The following MALRD1 variants were observed in gnomAD, a reference collection of about 807,000 sequenced individuals.
MALRD1 encodes MAM and LDL-receptor class A domain-containing protein 1.
Under a neutral mutation model 242.1 loss-of-function variants are expected in MALRD1, and 247 were observed. That is an observed-to-expected ratio of 1.02 (90% CI 0.92 to 1.13). The LOEUF (loss-of-function observed/expected upper bound fraction) is 1.13, where lower values mean the gene tolerates loss of function less well. Among genes scored for constraint, MALRD1 ranks in the 50% most tolerant of loss-of-function variants. MALRD1 has a pLI of 0.00. For synonymous variants in MALRD1, 995 were observed against 866.6 expected, an observed-to-expected ratio of 1.15 and a Z score of -2.60; for missense variants, 2,989 against 2,533.1, an observed-to-expected ratio of 1.18 and a Z score of -3.86.
At chr10:19,428,037 G>T (rs541229646) in intron 28 of MALRD1, among the ~76,000 whole-genome samples, 2 of 151,940 alleles carry the variant, frequency 1.3e-5, no homozygotes, top group Non-Finnish European at 1.5e-5. Context: ...TTTCTTACCT[G>T]TCCAGAATCT....
chr10:19,719,079 C>T (rs1028419697), intron 38 of MALRD1, among the ~76,000 whole-genome samples: 3 of 149,306 alleles, frequency 2.0e-5, no homozygotes, highest in Non-Finnish European at 3.0e-5. Flanking sequence ...GGGAGGATTG[C>T]GTGAGTCCAG....
At chr10:19,486,459 G>A (rs1837241823) in intron 29 of MALRD1, among the ~76,000 whole-genome samples, 1 of 152,064 alleles carries the variant, frequency 6.6e-6, no homozygotes, top group Non-Finnish European at 1.5e-5. Flanking sequence ...TCTTGTACTT[G>A]GAATTTCACT....
intron 13 of MALRD1, among the ~76,000 whole-genome samples, chr10:19,173,519 G>A (rs10827011): frequency 0.11 from 17,156 of 151,976 alleles, 1,025 homozygotes; most frequent in East Asian, 0.18. Flanking sequence ...AACAAATGCT[G>A]TCTAGTTTCT....
intron 28 of MALRD1, among the ~76,000 whole-genome samples, chr10:19,430,872 T>C (rs545080586): frequency 6.6e-6 from 1 of 152,302 alleles, no homozygotes; most frequent in East Asian, 1.9e-4. Context: ...TCTATTATTT[T>C]AACATTTTAC....
At chr10:19,332,870 C>T (rs114796400) in intron 24 of MALRD1, among the ~76,000 whole-genome samples, 1,892 of 152,186 alleles carry the variant, frequency 0.012, 32 homozygotes, top group African/African-American at 0.035. Flanking sequence ...TCCTAGAACA[C>T]AAGTATTTTA....
At position 19,526,263 on chromosome 10, in the gene MALRD1, T is replaced by C. The variant is rs141896263; in HGVS notation, c.5321-4931T>C. ...AAGTATAATTCAATGTAAGGTGTTATAACATTGAGATACAGTACATAGTTT... is the reference window on the plus strand; with the variant it reads ...AAGTATAATTCAATGTAAGGTGTTACAACATTGAGATACAGTACATAGTTT... On this transcript the variant is annotated intron_variant, in intron 31 of 39. Transcript: ENST00000454679. Among the ~76,000 whole-genome samples the C allele has an allele frequency of 1.5e-4, 23 of 152,020 alleles. No homozygotes were observed. In the East Asian group the frequency reaches 4.5e-3, roughly 29 times the overall value.
intron 12 of MALRD1, among the ~76,000 whole-genome samples, chr10:19,159,476 G>A (rs1834302785): frequency 6.6e-6 from 1 of 152,026 alleles, no homozygotes. Flanking sequence ...AAGCAGAGAA[G>A]GCAGAGGTGG....
chr10:19,350,994 G>C (rs1844349749), intron 25 of MALRD1, among the ~76,000 whole-genome samples: 1 of 152,050 alleles, frequency 6.6e-6, no homozygotes, highest in Admixed American at 6.6e-5. Flanking sequence ...AGTATTTTGG[G>C]GTCATAGAAT....
In MALRD1 at chr10:19,209,657, AT is replaced by A; in HGVS notation, c.2971del (p.Ser991ProfsTer53). 6.5e-7 allele frequency: 1 copy of A among 1,549,396 alleles called. No individual in the cohort carries two copies. Among genetic ancestry groups the A allele is most frequent in the Non-Finnish European group, 8.7e-7 (1 of 1,146,234 alleles). Reference sequence around the variant, plus strand: ...CAGATGGATTAGGAAACACCTCAACATTTCCAGCAGGCAGCCCTTTCAGGTA... The same window carrying A: ...CAGATGGATTAGGAAACACCTCAACATTCCAGCAGGCAGCCCTTTCAGGTA... ...GNRWIRKHLN[I>X]SSRQPFQILV... On this transcript the variant is annotated frameshift_variant, in exon 18 of 40. Coordinates refer to ENST00000454679, the MANE Select transcript of MALRD1 (RefSeq NM_001142308.3). LOFTEE classifies it high-confidence loss of function.
intron 24 of MALRD1, among the ~76,000 whole-genome samples, chr10:19,339,630 A>G (rs1843754602): frequency 6.6e-6 from 1 of 152,182 alleles, no homozygotes; most frequent in Admixed American, 6.6e-5. Flanking sequence ...ACTTCTGCAT[A>G]AGTCATCTGT....
chr10:19,065,698 T>G (rs1375001787), intron 1 of MALRD1, among the ~76,000 whole-genome samples: 2 of 152,210 alleles, frequency 1.3e-5, no homozygotes, highest in Non-Finnish European at 2.9e-5. Flanking sequence ...GTAGGTATTG[T>G]GAACAACCAT....
intron 21 of MALRD1, among the ~76,000 whole-genome samples, chr10:19,319,571 G>C (rs1293881371): frequency 6.6e-6 from 1 of 152,068 alleles, no homozygotes; most frequent in Non-Finnish European, 1.5e-5. Flanking sequence ...TAAACAAAGA[G>C]ACTTATAAAT....
intron 21 of MALRD1, among the ~76,000 whole-genome samples, chr10:19,308,231 T>G (rs1053340403): frequency 6.6e-6 from 1 of 151,444 alleles, no homozygotes; most frequent in Admixed American, 6.6e-5. Flanking sequence ...TCTGCATGTC[T>G]GTGTGTTCAA....
intron 26 of MALRD1, among the ~76,000 whole-genome samples, chr10:19,370,874 G>A (rs1313789253): frequency 6.6e-6 from 1 of 151,926 alleles, no homozygotes; most frequent in Non-Finnish European, 1.5e-5. Context: ...ACTGCACCAG[G>A]CCCACATATT....
chr10:19,705,279 T>C (rs1418302906), intron 38 of MALRD1, among the ~76,000 whole-genome samples: 1 of 152,140 alleles, frequency 6.6e-6, no homozygotes, highest in African/African-American at 2.4e-5. Context: ...TCTTGCTTAC[T>C]CTATACCTCA....
At chr10:19,416,108 G>A (rs1420204816) in intron 28 of MALRD1, among the ~76,000 whole-genome samples, 1 of 152,140 alleles carries the variant, frequency 6.6e-6, no homozygotes, top group African/African-American at 2.4e-5. Flanking sequence ...CTATTATCAT[G>A]GATGTAGTTT....
intron 21 of MALRD1, among the ~76,000 whole-genome samples, chr10:19,292,098 A>AG (rs1841463291): frequency 6.6e-6 from 1 of 151,806 alleles, no homozygotes; most frequent in African/African-American, 2.4e-5. Flanking sequence ...AAAAAAAAAA[A>AG]AAAATCAAAT....
intron 10 of MALRD1, among the ~76,000 whole-genome samples, chr10:19,139,697 A>G (rs1833474840): frequency 6.6e-6 from 1 of 152,168 alleles, no homozygotes; most frequent in Non-Finnish European, 1.5e-5. Context: ...TGGCTCTTCA[A>G]AATCAGTTAA....
At chr10:19,451,584 C>T (rs917235215) in intron 29 of MALRD1, among the ~76,000 whole-genome samples, 8 of 152,116 alleles carry the variant, frequency 5.3e-5, no homozygotes, top group African/African-American at 9.7e-5. Context: ...TATACTGATT[C>T]ACTTGGCAGC....
Sources: gnomAD v4.1 joint callset for allele counts (sites outside exome capture counted in the v4.1 genomes callset) on GRCh38, gnomAD v4.1.1 for gene constraint, MANE v1.5 for transcripts, NCBI Gene and HGNC (gene_info 2026-07-23, HGNC 2026-07-21) for gene names.